Variants in ZNF804A observed in about 807,000 individuals in gnomAD.
The protein encoded by ZNF804A is zinc finger protein 804A.
ZNF804A carries 2 observed loss-of-function variants against 16.5 expected under a neutral mutation model. The observed-to-expected ratio is 0.12, with a 90% CI of 0.05 to 0.38. The LOEUF (loss-of-function observed/expected upper bound fraction) is 0.38. Among genes scored for constraint, ZNF804A ranks in the 10% least tolerant of loss-of-function variants. The pLI is 0.99. For synonymous variants in ZNF804A, 534 were observed against 489.6 expected, an observed-to-expected ratio of 1.09 and a Z score of -1.20; for missense variants, 1,473 against 1,390.7, an observed-to-expected ratio of 1.06 and a Z score of -0.94.
intron 1 of ZNF804A, among the ~76,000 whole-genome samples, chr2:184,675,803 C>A (rs185175499): frequency 1.3e-5 from 2 of 151,738 alleles, no homozygotes; most frequent in African/African-American, 4.8e-5. Flanking sequence ...CCCTACTATT[C>A]CTGTCATTTC....
chr2:184,768,502 G>A (rs1449908298), intron 1 of ZNF804A, among the ~76,000 whole-genome samples: 1 of 152,062 alleles, frequency 6.6e-6, no homozygotes, highest in East Asian at 1.9e-4. Context: ...TTAAATGTTA[G>A]AGTGCATTGG....
intron 1 of ZNF804A, among the ~76,000 whole-genome samples, chr2:184,832,837 C>T (rs754863741): frequency 2.0e-5 from 3 of 151,904 alleles, no homozygotes; most frequent in Admixed American, 6.6e-5. Context: ...CCATGATTCT[C>T]TATATTTAGT....
At chr2:184,799,258 A>G (rs1345434880) in intron 1 of ZNF804A, among the ~76,000 whole-genome samples, 1 of 151,864 alleles carries the variant, frequency 6.6e-6, no homozygotes, top group African/African-American at 2.4e-5. Flanking sequence ...CAGAGCTGCA[A>G]TCTAGTTCTG....
chr2:184,901,477 T>G (rs988550224), intron 2 of ZNF804A, among the ~76,000 whole-genome samples: 3 of 152,052 alleles, frequency 2.0e-5, no homozygotes, highest in African/African-American at 7.2e-5. Flanking sequence ...ATGAGAGAAG[T>G]TGGTGGGAAG....
chr2:184,813,993 C>CTTTTTTTTTTTTTTTTT (rs1163432699), intron 1 of ZNF804A, among the ~76,000 whole-genome samples: 1 of 49,196 alleles, frequency 2.0e-5, no homozygotes, highest in Non-Finnish European at 3.7e-5. Flanking sequence ...AGAAAGGCAG[C>CTTTTTTTTTTTTTTTTT]TTTTTTTTTT....
intron 1 of ZNF804A, among the ~76,000 whole-genome samples, chr2:184,806,842 T>C (rs1310410135): frequency 6.6e-6 from 1 of 151,782 alleles, no homozygotes; most frequent in Non-Finnish European, 1.5e-5. Context: ...AAAAAATTAA[T>C]TTGTTTATAA....
intron 1 of ZNF804A, among the ~76,000 whole-genome samples, chr2:184,851,683 T>A (rs536853449): frequency 6.6e-6 from 1 of 151,872 alleles, no homozygotes; most frequent in African/African-American, 2.4e-5. Context: ...ACCAATTTCA[T>A]TTCTTTTGGA....
At chr2:184,684,582 CTT>C (rs762510838) in intron 1 of ZNF804A, among the ~76,000 whole-genome samples, 5 of 152,066 alleles carry the variant, frequency 3.3e-5, no homozygotes, top group Admixed American at 6.5e-5. Context: ...TAAATGTAAA[CTT>C]ATATTTTACA....
intron 1 of ZNF804A, among the ~76,000 whole-genome samples, chr2:184,765,640 G>T (rs1694112663): frequency 7.2e-6 from 1 of 139,554 alleles, no homozygotes; most frequent in Non-Finnish European, 1.5e-5. Context: ...CCTTAAAAGG[G>T]ACAGGAATTG....
At chr2:184,787,633 G>A (rs1030793480) in intron 1 of ZNF804A, among the ~76,000 whole-genome samples, 1 of 151,658 alleles carries the variant, frequency 6.6e-6, no homozygotes, top group Non-Finnish European at 1.5e-5. Flanking sequence ...TATGTGTTTC[G>A]TTGGCCACTT....
intron 1 of ZNF804A, among the ~76,000 whole-genome samples, chr2:184,609,579 A>G (rs1360602658): frequency 6.6e-6 from 1 of 152,246 alleles, no homozygotes; most frequent in Non-Finnish European, 1.5e-5. Flanking sequence ...GAAGTCCAAG[A>G]TCAAGTTCCT....
chr2:184,770,662 A>G (rs1389495897), intron 1 of ZNF804A, among the ~76,000 whole-genome samples: 1 of 152,078 alleles, frequency 6.6e-6, no homozygotes. Context: ...ATTATAAACA[A>G]GTAAGATGAC....
intron 1 of ZNF804A, among the ~76,000 whole-genome samples, chr2:184,680,006 T>C (rs1326622646): frequency 6.6e-6 from 1 of 152,194 alleles, no homozygotes; most frequent in Non-Finnish European, 1.5e-5. Flanking sequence ...TGGCCACTCA[T>C]GGACCAATCA....
chr2:184,837,996 C>T (rs549704406), intron 1 of ZNF804A, among the ~76,000 whole-genome samples: 1 of 152,026 alleles, frequency 6.6e-6, no homozygotes. Flanking sequence ...CAGAGGAGCC[C>T]CAGCAGCAGA....
chr2:184,843,521 A>G (rs1384478016), intron 1 of ZNF804A, among the ~76,000 whole-genome samples: 3 of 151,840 alleles, frequency 2.0e-5, no homozygotes, highest in African/African-American at 4.8e-5. Flanking sequence ...TGATCCACCC[A>G]CCTCAGCCTC....
At chr2:184,661,609 G>A (rs1171476710) in intron 1 of ZNF804A, among the ~76,000 whole-genome samples, 2 of 152,082 alleles carry the variant, frequency 1.3e-5, no homozygotes, top group African/African-American at 4.8e-5. Flanking sequence ...CCATTCAATT[G>A]GTTAAAAAGC....
At chr2:184,750,331 G>GAA (rs1411933624) in intron 1 of ZNF804A, among the ~76,000 whole-genome samples, 1 of 151,186 alleles carries the variant, frequency 6.6e-6, no homozygotes, top group Non-Finnish European at 1.5e-5. Flanking sequence ...ATCTTAATGT[G>GAA]ACAAAAATAC....
At chr2:184,850,931 C>T (rs1695592256) in intron 1 of ZNF804A, among the ~76,000 whole-genome samples, 1 of 151,682 alleles carries the variant, frequency 6.6e-6, no homozygotes, top group African/African-American at 2.4e-5. Context: ...GTATGAGCTA[C>T]AAAGGTGTCC....
intron 1 of ZNF804A, among the ~76,000 whole-genome samples, chr2:184,670,722 C>T (rs1294132958): frequency 6.6e-6 from 1 of 151,712 alleles, no homozygotes; most frequent in African/African-American, 2.4e-5. Flanking sequence ...TATTTTAAAC[C>T]ATTCTATATT....
Sources: allele counts gnomAD v4.1 joint callset (sites outside exome capture counted in the v4.1 genomes callset), GRCh38; gene constraint gnomAD v4.1.1; transcripts MANE v1.5; gene names NCBI Gene and HGNC (gene_info 2026-07-23, HGNC 2026-07-21).